Variants in CDKAL1 observed in about 807,000 individuals in gnomAD.
The protein encoded by CDKAL1 is threonylcarbamoyladenosine tRNA methylthiotransferase.
CDKAL1 carries 32 observed loss-of-function variants against 68.2 expected under a neutral mutation model. The ratio of observed to expected loss-of-function variants is 0.47; its 90% CI spans 0.35 to 0.63. The LOEUF (loss-of-function observed/expected upper bound fraction) is 0.63, where lower values mean the gene tolerates loss of function less well. CDKAL1 is among the 30% of genes least tolerant of loss of function. CDKAL1 has a pLI of 0.00. For synonymous variants in CDKAL1, 234 were observed against 244.3 expected, an observed-to-expected ratio of 0.96 and a Z score of 0.39; for missense variants, 606 against 696.7, an observed-to-expected ratio of 0.87 and a Z score of 1.47.
At chr6:20,548,279 A>T (rs1763681858) in intron 3 of CDKAL1, among the ~76,000 whole-genome samples, 1 of 152,126 alleles carries the variant, frequency 6.6e-6, no homozygotes, top group South Asian at 2.1e-4. Flanking sequence ...CATGCCTGTA[A>T]TTCCAGCACT....
intron 5 of CDKAL1, among the ~76,000 whole-genome samples, chr6:20,657,974 A>G (rs535627759): frequency 9.9e-5 from 15 of 151,658 alleles, no homozygotes; most frequent in African/African-American, 3.7e-4. Context: ...CCATTAGACC[A>G]TTTTGATTTA....
At chr6:21,037,585 T>C (rs569970515) in intron 11 of CDKAL1, among the ~76,000 whole-genome samples, 1 of 152,286 alleles carries the variant, frequency 6.6e-6, no homozygotes, top group South Asian at 2.1e-4. Flanking sequence ...CTGTGGAACA[T>C]GGTGGTGCCT....
At chr6:20,948,540 T>C (rs59220388) in intron 9 of CDKAL1, among the ~76,000 whole-genome samples, 1 of 152,164 alleles carries the variant, frequency 6.6e-6, no homozygotes, top group Non-Finnish European at 1.5e-5. Context: ...TGATTATTAA[T>C]ATTTTCTGAG....
intron 5 of CDKAL1, among the ~76,000 whole-genome samples, chr6:20,673,283 G>T (rs1459595171): frequency 2.0e-5 from 3 of 152,116 alleles, no homozygotes; most frequent in African/African-American, 7.2e-5. Flanking sequence ...ATTCCCCAAA[G>T]ATACCAAGAT....
At chr6:21,070,012 G>A (rs912257465) in intron 12 of CDKAL1, among the ~76,000 whole-genome samples, 2 of 151,402 alleles carry the variant, frequency 1.3e-5, no homozygotes, top group East Asian at 2.0e-4. Flanking sequence ...GGATGGTCTC[G>A]ATCTCCTGAC....
At chr6:21,037,682 A>T (rs1769667344) in intron 11 of CDKAL1, among the ~76,000 whole-genome samples, 1 of 152,158 alleles carries the variant, frequency 6.6e-6, no homozygotes, top group South Asian at 2.1e-4. Context: ...AGTTCATTTT[A>T]ATTTAACTAG....
intron 5 of CDKAL1, among the ~76,000 whole-genome samples, chr6:20,661,647 T>A (rs1320698007): frequency 6.6e-6 from 1 of 152,140 alleles, no homozygotes; most frequent in Non-Finnish European, 1.5e-5. Context: ...ATTAGTAAGT[T>A]AATTTGCAAA....
intron 7 of CDKAL1, among the ~76,000 whole-genome samples, chr6:20,771,395 A>G (rs1774935917): frequency 6.6e-6 from 1 of 152,164 alleles, no homozygotes; most frequent in Non-Finnish European, 1.5e-5. Context: ...GTACAAGATT[A>G]TTCAGTTCTT....
At chr6:20,703,280 T>C (rs776593818) in intron 5 of CDKAL1, among the ~76,000 whole-genome samples, 2 of 152,196 alleles carry the variant, frequency 1.3e-5, no homozygotes, top group Non-Finnish European at 2.9e-5. Flanking sequence ...ACAGAGTTGC[T>C]CTAGTTAATT....
chr6:20,937,906 A>G (rs544427613), intron 9 of CDKAL1, among the ~76,000 whole-genome samples: 7 of 151,364 alleles, frequency 4.6e-5, no homozygotes, highest in Non-Finnish European at 1.0e-4. Flanking sequence ...TATGGGGGAA[A>G]TGCTTAAAAA....
In CDKAL1 at chr6:21,087,572, T is replaced by C. The variant is rs1025255189; in HGVS notation, c.1237-20829T>C. Among the ~76,000 whole-genome samples, 4 of 152,266 alleles carry C rather than the reference T, an allele frequency of 2.6e-5. No homozygotes were observed. In the East Asian group the frequency reaches 7.7e-4, roughly 29 times the overall value. On this transcript the variant is annotated intron_variant, in intron 12 of 15. Transcript: ENST00000274695. ...GCTGATGTGATTATCTTCTACTCCG[T>C]TCCTATAGTCCTCAGCTGATCCTCC... is the stretch of plus-strand genomic sequence containing the variant.
intron 15 of CDKAL1, among the ~76,000 whole-genome samples, chr6:21,217,715 C>T (rs949032618): frequency 3.9e-5 from 6 of 152,138 alleles, no homozygotes; most frequent in African/African-American, 1.4e-4. Flanking sequence ...CCACACTGGT[C>T]TCGAACTCCT....
At chr6:20,730,478 G>T (rs1207274108) in intron 5 of CDKAL1, among the ~76,000 whole-genome samples, 1 of 146,790 alleles carries the variant, frequency 6.8e-6, no homozygotes, top group Non-Finnish European at 1.5e-5. Context: ...AAAGAAGGAA[G>T]GAAGGAAAGA....
At chr6:21,077,127 T>G (rs1251784083) in intron 12 of CDKAL1, among the ~76,000 whole-genome samples, 2 of 127,290 alleles carry the variant, frequency 1.6e-5, no homozygotes, top group Non-Finnish European at 3.3e-5. Context: ...TAAGGCCACT[T>G]TTCAACCTAT....
At chr6:20,858,344 G>A (rs1486925725) in intron 9 of CDKAL1, among the ~76,000 whole-genome samples, 1 of 151,052 alleles carries the variant, frequency 6.6e-6, no homozygotes, top group Non-Finnish European at 1.5e-5. Context: ...TCCTGTTTAT[G>A]TATCAATATT....
intron 11 of CDKAL1, among the ~76,000 whole-genome samples, chr6:21,006,792 T>C (rs1261184668): frequency 1.3e-5 from 2 of 152,228 alleles, no homozygotes; most frequent in Admixed American, 1.3e-4. Flanking sequence ...TATGTTGACT[T>C]GCTTTCCATT....
intron 6 of CDKAL1, among the ~76,000 whole-genome samples, chr6:20,749,452 C>G (rs1392783181): frequency 6.6e-6 from 1 of 152,166 alleles, no homozygotes; most frequent in Non-Finnish European, 1.5e-5. Context: ...GTTCGGGTCC[C>G]TGGACTGATG....
At chr6:21,003,151 C>T (rs1767518841) in intron 11 of CDKAL1, among the ~76,000 whole-genome samples, 1 of 151,176 alleles carries the variant, frequency 6.6e-6, no homozygotes, top group African/African-American at 2.4e-5. Flanking sequence ...TTCCTGTCCT[C>T]TTGGGGAAGT....
chr6:20,717,255 T>C (rs1220859156), intron 5 of CDKAL1, among the ~76,000 whole-genome samples: 1 of 151,938 alleles, frequency 6.6e-6, no homozygotes, highest in African/African-American at 2.4e-5. Context: ...TGGGAAGATG[T>C]AGAATCAAGG....
Sources: allele counts gnomAD v4.1 joint callset (sites outside exome capture counted in the v4.1 genomes callset), GRCh38; gene constraint gnomAD v4.1.1; transcripts MANE v1.5; gene names NCBI Gene and HGNC (gene_info 2026-07-23, HGNC 2026-07-21).